Variants in SLC9A3 observed in about 807,000 individuals in gnomAD.
The protein encoded by SLC9A3 is solute carrier family 9 member A3.
SLC9A3 carries 37 observed loss-of-function variants against 86.8 expected under a neutral mutation model. That is an observed-to-expected ratio of 0.43 (90% CI 0.33 to 0.56). The LOEUF is 0.56. SLC9A3 is among the 20% of genes least tolerant of loss of function. The probability of loss-of-function intolerance (pLI) is 0.06; values close to 1 mark genes in which losing one functional copy is unlikely to be tolerated. For missense variants in SLC9A3, 1,011 were observed against 1,171.9 expected (o/e 0.86, Z 2.00); for synonymous variants, 581 against 528.3 (o/e 1.10, Z -1.37).
At chr5:482,450 T>G (rs560373735) in intron 7 of SLC9A3, 98 bp downstream of exon 7, 2 of 1,023,770 alleles carry the variant, frequency 2.0e-6, no homozygotes, top group East Asian at 4.8e-5. Context: ...GAAACCCAAT[T>G]AGGGTCTGGA....
At position 472,912 on chromosome 5, in the gene SLC9A3, GA is replaced by G; in HGVS notation, c.*466del. 3 of 537,254 alleles carry G rather than the reference GA, an allele frequency of 5.6e-6. No individual in the cohort carries two copies. Among genetic ancestry groups the G allele is most frequent in the Non-Finnish European group, 6.8e-6 (2 of 296,180 alleles). The allele number at this position is 537,254 out of a possible 1,614,324, so 33.3% of individuals were successfully genotyped here. A position where few individuals can be genotyped will look rare whatever the true frequency, so the allele number is the denominator to read the frequency against. Reference sequence around the variant, plus strand: ...AGCCTCGGTTTCCCGGCAGCGGTGGGAAAGGGCGCGAGCGGCCAGCCATGGC... The same window carrying G: ...AGCCTCGGTTTCCCGGCAGCGGTGGGAAGGGCGCGAGCGGCCAGCCATGGC... On this transcript the variant is annotated 3_prime_UTR_variant, in exon 17 of 17. Transcript: ENST00000264938.
intron 1 of SLC9A3, among the ~76,000 whole-genome samples, chr5:507,612 C>T: frequency 6.6e-6 from 1 of 151,448 alleles, no homozygotes. Flanking sequence ...CCCCAACACC[C>T]CAATCCCTGC....
At position 471,189 on chromosome 5, in the gene SLC9A3, T is replaced by G. The variant is rs1048024012; in HGVS notation, c.*2190A>C. 1.4e-4 allele frequency: 22 copies of G among 159,200 alleles called. No individual in the cohort carries two copies. The highest frequency in any genetic ancestry group is 2.8e-4 in the Non-Finnish European group (20 of 71,458). 9.9% of individuals were successfully genotyped at this position (159,200 alleles called of 1,614,324 possible). ...CAAGGAGGTGTTGGTGGGAGTGTTG[T>G]GTTCACCATGTGGAGATCAGGCGGC... is the stretch of plus-strand genomic sequence containing the variant. On this transcript the variant is annotated 3_prime_UTR_variant, in exon 17 of 17. Transcript: ENST00000264938.
At position 485,376 on chromosome 5, in the gene SLC9A3, C is replaced by T. The variant is rs550225916; in HGVS notation, c.676-145G>A. 771 of 700,460 alleles carry T rather than the reference C, an allele frequency of 1.1e-3. 3 individuals carry two copies. Among genetic ancestry groups the T allele is most frequent in the Non-Finnish European group, 1.8e-3 (694 of 387,852 alleles). The allele number at this position is 700,460 out of a possible 1,614,324, so 43.4% of individuals were successfully genotyped here. A position where few individuals can be genotyped will look rare whatever the true frequency, so the allele number is the denominator to read the frequency against. On this transcript the variant is annotated intron_variant, in intron 3 of 16. Transcript: ENST00000264938. ...AGGAAAATCATCACAGGGCAATGGC[C>T]CCCAAAGGGGAGAAGCCCAGAGCCC...
At chr5:483,157 G>C (rs571401335) in intron 6 of SLC9A3, 105 bp downstream of exon 6, 4 of 886,320 alleles carry the variant, frequency 4.5e-6, no homozygotes, top group East Asian at 5.4e-5. Context: ...TGCCTTGCAC[G>C]GGGCTGCACC....
chr5:516,262 A>T (rs925693), intron 1 of SLC9A3, among the ~76,000 whole-genome samples: 128,582 of 150,816 alleles, frequency 0.85, 55,031 homozygotes, highest in Admixed American at 0.88. Flanking sequence ...TTGAAGTGGG[A>T]TCCCCACTGC....
chr5:473,385 G>A lies in SLC9A3; in HGVS notation c.2502-3C>T. 1 of 1,412,066 alleles carries A rather than the reference G, an allele frequency of 7.1e-7. No homozygotes were observed. 87.5% of individuals were successfully genotyped at this position (1,412,066 alleles called of 1,614,324 possible). ...CGGCGTGTCGGAGCCGGTGTCACCT[G>A]CGGGAGAGGAAGGCGTGAGCGGCGC... On this transcript the variant is annotated splice_polypyrimidine_tract_variant and splice_region_variant and intron_variant, in intron 16 of 16. Coordinates refer to ENST00000264938, the MANE Select transcript of SLC9A3 (RefSeq NM_004174.4).
In SLC9A3 at chr5:476,662, C is replaced by T; in HGVS notation, c.1771G>A (p.Val591Ile). Reference protein sequence around the residue: ...ASVSYLLRENVSAVCLDMQSL... With the variant: ...ASVSYLLRENISAVCLDMQSL... ...TGCATGTCCAGGCAGACAGCGCTGA[C>T]ATTTTCTCTCCTGCGTGGGGACCAG... The change falls in exon 12 of 17, where the codon GTC (valine) becomes ATC (isoleucine). Residue 591 changes from valine (V) to isoleucine (I), a missense_variant. Coordinates refer to ENST00000264938, the MANE Select transcript of SLC9A3 (RefSeq NM_004174.4). The T allele has an allele frequency of 1.2e-6, 2 of 1,605,166 alleles. No individual in the cohort carries two copies. Among genetic ancestry groups the T allele is most frequent in the Non-Finnish European group, 8.5e-7 (1 of 1,179,830 alleles).
Position 488,496 on chromosome 5 carries a change from G to C in SLC9A3, c.515-20C>G, listed in dbSNP as rs753611889. 6.5e-7 allele frequency: 1 copy of C among 1,528,332 alleles called. No homozygotes were observed. The highest frequency in any genetic ancestry group is 8.8e-7 in the Non-Finnish European group (1 of 1,134,126). The allele number at this position is 1,528,332 out of a possible 1,614,324, so 94.7% of individuals were successfully genotyped here. Reference sequence around the variant, plus strand: ...GGTCGCCTGGAAGACAAGCCGGGCCGCGGGGCAGCTGCAGGGCCTGCCACC... The same window carrying C: ...GGTCGCCTGGAAGACAAGCCGGGCCCCGGGGCAGCTGCAGGGCCTGCCACC... On this transcript the variant is annotated intron_variant, in intron 2 of 16. Coordinates refer to ENST00000264938, the MANE Select transcript of SLC9A3 (RefSeq NM_004174.4).
chr5:514,431 C>T (rs1733664722), intron 1 of SLC9A3, among the ~76,000 whole-genome samples: 1 of 152,234 alleles, frequency 6.6e-6, no homozygotes, highest in South Asian at 2.1e-4. Context: ...GCCGCTGGCT[C>T]CCCCTTCCTG....
In SLC9A3 at chr5:476,527, A is replaced by G; in HGVS notation, c.1890+16T>C. The G allele has an allele frequency of 1.2e-6, 2 of 1,609,652 alleles. No individual in the cohort carries two copies. Among genetic ancestry groups the G allele is most frequent in the Admixed American group, 3.3e-5 (2 of 59,930 alleles). On this transcript the variant is annotated intron_variant, in intron 12 of 16. Coordinates refer to ENST00000264938, the MANE Select transcript of SLC9A3 (RefSeq NM_004174.4). ...GTCCCTGCGGGGTCCTCCAGCCCCC[A>G]GCCCGCAGTGCCCACCTCCTGCCGC...
chr5:491,923 C>T lies in SLC9A3; in HGVS notation c.360G>A (p.Leu120=), dbSNP rs773075985. The change falls in exon 2 of 17, where the codon CTG becomes CTA. Residue 120 remains leucine (L), a synonymous_variant. Coordinates refer to ENST00000264938, the MANE Select transcript of SLC9A3 (RefSeq NM_004174.4). This position sits in a 1 kb window ranked among gnomAD's most constrained non-coding sequence, Gnocchi z 9.2. ...LTPTVFFFYL[L]PPIVLDAGYF... is the part of the protein sequence containing the mutation. ...AGCCGGCGTCCAGCACGATGGGGGG[C>T]AGCAGGTAGAAGAAGAAGACGGTGG... The T allele has an allele frequency of 6.2e-7, 1 of 1,611,634 alleles. No individual in the cohort carries two copies. The highest frequency in any genetic ancestry group is 8.5e-7 in the Non-Finnish European group (1 of 1,179,516).
At chr5:493,115 A>AG (rs1320123673) in intron 1 of SLC9A3, among the ~76,000 whole-genome samples, 3 of 96,154 alleles carry the variant, frequency 3.1e-5, no homozygotes, top group South Asian at 3.5e-4. Flanking sequence ...AGTTGGACTC[A>AG]GAAAAAAAAA....
At chr5:492,558 G>A (rs926814549) in intron 1 of SLC9A3, among the ~76,000 whole-genome samples, 5 of 152,060 alleles carry the variant, frequency 3.3e-5, no homozygotes, top group African/African-American at 9.7e-5. Flanking sequence ...GGCTGGGAAC[G>A]AGGAGAGTGC....
At chr5:500,437 C>T (rs1290961985) in intron 1 of SLC9A3, among the ~76,000 whole-genome samples, 1 of 152,220 alleles carries the variant, frequency 6.6e-6, no homozygotes, top group Non-Finnish European at 1.5e-5. Context: ...ACACAGGAAA[C>T]ACACACCAAG....
chr5:491,846 T>A lies in SLC9A3; in HGVS notation c.437A>T (p.Tyr146Phe), dbSNP rs1371724563. 1 of 1,604,890 alleles carries A rather than the reference T, an allele frequency of 6.2e-7. No individual in the cohort carries two copies. Among genetic ancestry groups the A allele is most frequent in the East Asian group, 2.3e-5 (1 of 44,308 alleles). ...FFGNLGTILLYAVVGTVWNAA... is the reference protein window; with the variant it reads ...FFGNLGTILLFAVVGTVWNAA... Reference sequence around the variant, plus strand: ...GTTCCACACGGTACCCACGACGGCGTACAACAGGATGGTCCCCAGGTTGCC... The same window carrying A: ...GTTCCACACGGTACCCACGACGGCGAACAACAGGATGGTCCCCAGGTTGCC... Residue 146 changes from tyrosine (Y) to phenylalanine (F), a missense_variant, in exon 2 of 17, where the codon TAC becomes TTC. Transcript: ENST00000264938. This position sits in a 1 kb window ranked among gnomAD's most constrained non-coding sequence, Gnocchi z 9.2.
chr5:499,868 C>T (rs954533330), intron 1 of SLC9A3, among the ~76,000 whole-genome samples: 1 of 152,250 alleles, frequency 6.6e-6, no homozygotes, highest in South Asian at 2.1e-4. Context: ...GTAGGGGCCA[C>T]TGCTCAAGCC....
rs578220839 is a variant in SLC9A3 at position 524,283 on chromosome 5, G to C, written c.40C>G (p.Leu14Val). ...LGARGPDRGL[L>V]LALALGGLAR... The stretch of plus-strand genomic sequence containing the variant: ...AGCCCGCCCAGCGCCAGCGCCAGCA[G>C]CAGCCCCCGGTCGGGGCCCCGGGCC... The change falls in exon 1 of 17, where the codon CTG (leucine) becomes GTG (valine). Residue 14 changes from leucine to valine, a missense_variant. Physicochemically the swap from Leu to Val is conservative, Grantham distance 32. This residue lies in a region of SLC9A3 where 49 missense variants were observed against 35.6 expected (regional missense o/e 1.38). Coordinates refer to ENST00000264938, the MANE Select transcript of SLC9A3 (RefSeq NM_004174.4). 9.4e-4 allele frequency: 1,247 copies of C among 1,328,878 alleles called. 16 individuals carry two copies. In the African/African-American group the frequency reaches 0.018, roughly 19 times the overall value. 82.3% of individuals were successfully genotyped at this position (1,328,878 alleles called of 1,614,324 possible).
At position 473,219 on chromosome 5, in the gene SLC9A3, G is replaced by C; in HGVS notation, c.*160C>G. Reference sequence around the variant, plus strand: ...CTGCGGGCGCAGGCGCGGCACTCTCGGAGTTCTGCGCAGGCGCTGGCGTGG... The same window carrying C: ...CTGCGGGCGCAGGCGCGGCACTCTCCGAGTTCTGCGCAGGCGCTGGCGTGG... On this transcript the variant is annotated 3_prime_UTR_variant, in exon 17 of 17. Coordinates refer to ENST00000264938, the MANE Select transcript of SLC9A3 (RefSeq NM_004174.4). 3.9e-6 allele frequency: 3 copies of C among 771,838 alleles called. No individual in the cohort carries two copies. The highest frequency in any genetic ancestry group is 5.2e-6 in the Non-Finnish European group (3 of 580,348). The allele number at this position is 771,838 out of a possible 1,614,324, so 47.8% of individuals were successfully genotyped here.
Sources: gnomAD v4.1 joint callset for allele counts (sites outside exome capture counted in the v4.1 genomes callset) on GRCh38, gnomAD v4.1.1 for gene constraint, gnomAD v4.1.1 regional missense constraint, Gnocchi (gnomAD v3.1) non-coding constraint, MANE v1.5 for transcripts, NCBI Gene and HGNC (gene_info 2026-07-23, HGNC 2026-07-21) for gene names.